Variants in ADGRB3 observed in about 807,000 individuals in gnomAD.
The protein encoded by ADGRB3 is brain-specific angiogenesis inhibitor 3.
ADGRB3 carries 37 observed loss-of-function variants against 193.4 expected under a neutral mutation model. That is an observed-to-expected ratio of 0.19 (90% CI 0.15 to 0.25). The LOEUF (loss-of-function observed/expected upper bound fraction) is 0.25. Among genes scored for constraint, ADGRB3 ranks in the 10% least tolerant of loss-of-function variants. The pLI is 1.00. For missense variants in ADGRB3, 1,637 were observed against 1,852.9 expected (o/e 0.88, Z 2.14); for synonymous variants, 690 against 644.2 (o/e 1.07, Z -1.08).
chr6:69,301,198 A>G (rs1222187468), intron 20 of ADGRB3, among the ~76,000 whole-genome samples: 1 of 151,824 alleles, frequency 6.6e-6, no homozygotes, highest in East Asian at 1.9e-4. Context: ...ATATTAGTCT[A>G]TGTTATCACC....
chr6:69,348,418 G>T (rs1047987195), intron 26 of ADGRB3, among the ~76,000 whole-genome samples: 7 of 151,568 alleles, frequency 4.6e-5, no homozygotes, highest in African/African-American at 1.7e-4. Flanking sequence ...AGGCTGAGGC[G>T]GGTGGATCAC....
chr6:68,814,831 C>T (rs1767596725), intron 3 of ADGRB3, among the ~76,000 whole-genome samples: 1 of 152,152 alleles, frequency 6.6e-6, no homozygotes, highest in Admixed American at 6.6e-5. Context: ...GCTGTTTCAA[C>T]ATACGAAAAT....
chr6:69,058,237 A>T (rs1771603545), intron 15 of ADGRB3, among the ~76,000 whole-genome samples: 1 of 151,626 alleles, frequency 6.6e-6, no homozygotes, highest in Non-Finnish European at 1.5e-5. Context: ...TTAATTGTTC[A>T]TAGCTGTCTC....
At chr6:68,886,085 T>C (rs1765898869) in intron 3 of ADGRB3, among the ~76,000 whole-genome samples, 1 of 152,120 alleles carries the variant, frequency 6.6e-6, no homozygotes, top group African/African-American at 2.4e-5. Context: ...GGAATGGTTT[T>C]TGTGATTATT....
Position 69,323,806 on chromosome 6 carries a change from T to G in ADGRB3, c.2815-1066T>G, listed in dbSNP as rs74374753. 6.6e-3 allele frequency among the ~76,000 whole-genome samples: 1,008 copies of G among 152,216 alleles called. 15 individuals are homozygous for G. The highest frequency in any genetic ancestry group is 0.024 in the African/African-American group (981 of 41,576). ...GAAATTTAATAAAATTAACAAATCC[T>G]ATGAATAATTTGGGCCAAAAAATTC... is the stretch of plus-strand genomic sequence containing the variant. On this transcript the variant is annotated intron_variant, in intron 20 of 31. Coordinates refer to ENST00000370598, the MANE Select transcript of ADGRB3 (RefSeq NM_001704.3).
chr6:69,015,127 G>T (rs527611789), intron 12 of ADGRB3, among the ~76,000 whole-genome samples: 1 of 152,050 alleles, frequency 6.6e-6, no homozygotes, highest in East Asian at 1.9e-4. Context: ...CTCACTGTAA[G>T]AAGATGGTGT....
At chr6:69,106,639 T>C (rs1197972107) in intron 17 of ADGRB3, among the ~76,000 whole-genome samples, 2 of 152,226 alleles carry the variant, frequency 1.3e-5, no homozygotes, top group African/African-American at 4.8e-5. Context: ...GCCAGAGGCT[T>C]TAATCGTATG....
At chr6:68,863,243 T>C (rs1433754477) in intron 3 of ADGRB3, among the ~76,000 whole-genome samples, 1 of 152,096 alleles carries the variant, frequency 6.6e-6, no homozygotes, top group African/African-American at 2.4e-5. Context: ...AGATACTTTA[T>C]GTTATTCAAA....
Position 68,762,228 on chromosome 6 carries a change from T to TC in ADGRB3, c.757+122797dup, listed in dbSNP as rs1293028063. ...TCCCTTCTCTTTTCCCCCTTCTTTT[T>TC]CTCCCTAACTTTCTCTTCTTTTCTC... On this transcript the variant is annotated intron_variant, in intron 3 of 31. Transcript: ENST00000370598. 3.3e-5 allele frequency among the ~76,000 whole-genome samples: 5 copies of TC among 152,248 alleles called. No homozygotes were observed. In the South Asian group the frequency reaches 1.0e-3, roughly 32 times the overall value.
chr6:68,935,665 T>G (rs1370024001), intron 4 of ADGRB3, among the ~76,000 whole-genome samples: 6 of 152,244 alleles, frequency 3.9e-5, no homozygotes, highest in Non-Finnish European at 7.4e-5. Context: ...CTGAACATGA[T>G]GCCATGACAG....
chr6:68,864,306 T>C (rs1317592327), intron 3 of ADGRB3, among the ~76,000 whole-genome samples: 1 of 152,218 alleles, frequency 6.6e-6, no homozygotes, highest in African/African-American at 2.4e-5. Context: ...AACTGCTAGT[T>C]CTAATAATCC....
At chr6:68,676,566 G>A (rs1374707062) in intron 3 of ADGRB3, among the ~76,000 whole-genome samples, 1 of 152,090 alleles carries the variant, frequency 6.6e-6, no homozygotes, top group African/African-American at 2.4e-5. Context: ...GAGAACTGCT[G>A]TTTAAGCGAC....
chr6:69,369,345 G>T (rs1404737776), intron 29 of ADGRB3, among the ~76,000 whole-genome samples: 2 of 152,084 alleles, frequency 1.3e-5, no homozygotes, highest in East Asian at 1.9e-4. Context: ...AAACTGAACA[G>T]AATTGAATGT....
chr6:68,747,968 A>G (rs1766117540), intron 3 of ADGRB3, among the ~76,000 whole-genome samples: 1 of 152,174 alleles, frequency 6.6e-6, no homozygotes, highest in Admixed American at 6.5e-5. Context: ...GCAAGAGAAA[A>G]TGAGGAAGAA....
intron 26 of ADGRB3, among the ~76,000 whole-genome samples, chr6:69,346,375 G>T (rs918604146): frequency 6.6e-6 from 1 of 152,220 alleles, no homozygotes; most frequent in African/African-American, 2.4e-5. Context: ...GCATGGTACT[G>T]GTACCAAAAC....
chr6:69,164,407 C>A (rs1775079691), intron 17 of ADGRB3, among the ~76,000 whole-genome samples: 1 of 151,802 alleles, frequency 6.6e-6, no homozygotes, highest in Admixed American at 6.6e-5. Flanking sequence ...AATTTAATGA[C>A]TAAAAACATG....
At chr6:68,923,208 A>G (rs938827663) in intron 3 of ADGRB3, among the ~76,000 whole-genome samples, 2 of 152,148 alleles carry the variant, frequency 1.3e-5, no homozygotes, top group African/African-American at 4.8e-5. Flanking sequence ...ATGGTAAAAC[A>G]TGACCAGAAC....
chr6:69,363,892 AT>A lies in ADGRB3; in HGVS notation c.4239+2381del, dbSNP rs575699572. Among the ~76,000 whole-genome samples the A allele has an allele frequency of 2.5e-4, 38 of 152,218 alleles. No individual in the cohort carries two copies. In the South Asian group the frequency reaches 3.5e-3, roughly 14 times the overall value. The stretch of plus-strand genomic sequence containing the variant: ...TGAGGGAGATGCTATTCTGACAATA[AT>A]AAAGGAAAAGCAGAAAAATGACCTG... On this transcript the variant is annotated intron_variant, in intron 29 of 31. Coordinates refer to ENST00000370598, the MANE Select transcript of ADGRB3 (RefSeq NM_001704.3).
intron 6 of ADGRB3, among the ~76,000 whole-genome samples, chr6:68,955,397 A>T (rs1166605842): frequency 6.6e-6 from 1 of 152,184 alleles, no homozygotes; most frequent in East Asian, 1.9e-4. Flanking sequence ...CTTGCTCAGT[A>T]TTTAGTTTGT....
Sources: gnomAD v4.1 joint callset for allele counts (sites outside exome capture counted in the v4.1 genomes callset) on GRCh38, gnomAD v4.1.1 for gene constraint, MANE v1.5 for transcripts, NCBI Gene and HGNC (gene_info 2026-07-23, HGNC 2026-07-21) for gene names.